CLEC10A: variants seen among roughly 807,000 people sequenced by gnomAD.
CLEC10A encodes C-type lectin domain family 10 member A.
In CLEC10A, 38 loss-of-function variants were observed where a neutral mutation model predicts 42.0. The observed-to-expected ratio is 0.90, with a 90% CI of 0.70 to 1.18. CLEC10A has a LOEUF of 1.18. CLEC10A is among the 50% of genes most tolerant of loss of function. CLEC10A has a pLI of 0.00. For missense variants in CLEC10A, 298 were observed against 345.9 expected (o/e 0.86, Z 1.10); for synonymous variants, 126 against 139.9 (o/e 0.90, Z 0.70).
At position 7,078,863 on chromosome 17, in the gene CLEC10A, C is replaced by G. The variant is rs1597361662; in HGVS notation, c.-51G>C. ...TGTCACAGCTGAAATGGAGGCAGGG[C>G]CGGCGCCCAGTCTGGGGTGGAGCTG... On this transcript the variant is annotated 5_prime_UTR_variant, in exon 2 of 9. Transcript: ENST00000416562. The G allele has an allele frequency of 6.3e-7, 1 of 1,585,306 alleles. No individual in the cohort carries two copies. The highest frequency in any genetic ancestry group is 8.7e-7 in the Non-Finnish European group (1 of 1,153,742).
rs1267832133 is a variant in CLEC10A, at chr17:7,078,020, A to T, written c.161T>A (p.Ile54Asn). The change falls in exon 3 of 9, where the codon ATC becomes AAC. Residue 54 changes from isoleucine to asparagine, a missense_variant. Around this residue, in one of 3 missense-constraint regions of CLEC10A, gnomAD observed 267 missense variants for 289.5 expected, o/e 0.92. Coordinates refer to ENST00000416562, the MANE Select transcript of CLEC10A (RefSeq NM_001330070.2). ...ACTTTGGAATCCAACCACACAGATGATGACCAGCAGCAGGAGGCCGAGGCC... is the reference window on the plus strand; with the variant it reads ...ACTTTGGAATCCAACCACACAGATGTTGACCAGCAGCAGGAGGCCGAGGCC... ...SLGLGLLLLVIICVVGFQNSK... is the reference protein window; with the variant it reads ...SLGLGLLLLVNICVVGFQNSK... The T allele has an allele frequency of 6.2e-7, 1 of 1,613,566 alleles. No homozygotes were observed. The highest frequency in any genetic ancestry group is 1.7e-5 in the Admixed American group (1 of 60,014).
intron 3 of CLEC10A, 62 bp downstream of exon 3, chr17:7,077,935 C>T: frequency 1.6e-6 from 2 of 1,285,424 alleles, no homozygotes; most frequent in Non-Finnish European, 2.3e-6. Flanking sequence ...TACTGTAGCA[C>T]CCCATTATTT....
In CLEC10A at chr17:7,075,111, C is replaced by T. The variant is rs770634151; in HGVS notation, c.813G>A (p.Arg271=). The T allele has an allele frequency of 6.2e-7, 1 of 1,607,566 alleles. No homozygotes were observed. Among genetic ancestry groups the T allele is most frequent in the South Asian group, 1.1e-5 (1 of 90,216 alleles). The change falls in exon 9 of 9, where the codon AGG becomes AGA. Residue 271 remains arginine, a synonymous_variant. Transcript: ENST00000416562. ...CAGCCTCGCAGACCCAGTGGTAGGG[C>T]CTCTGGCAGACGTCGTCATTCCACC... is the stretch of plus-strand genomic sequence containing the variant. ...DGRWNDDVCQ[R]PYHWVCEAGL... is the part of the protein sequence containing the mutation.
intron 3 of CLEC10A, 43 bp downstream of exon 3, chr17:7,077,953 AC>A: frequency 2.1e-6 from 3 of 1,431,768 alleles, no homozygotes; most frequent in South Asian, 2.3e-5. Context: ...TTTATCTTCT[AC>A]CCCATTATTT....
chr17:7,075,734 C>A lies in CLEC10A; in HGVS notation c.591G>T (p.Glu197Asp), dbSNP rs756764711. ...AHLVVINSREEQNFVQKYLGS... is the reference protein window; with the variant it reads ...AHLVVINSREDQNFVQKYLGS... ...ACTGAGTACCAGAAGCCCTCACCTG[C>A]TCCTCCCTGGAGTTGATGACCACCA... The change falls in exon 7 of 9, where the codon GAG becomes GAT. Residue 197 changes from glutamate (E) to aspartate (D), a missense_variant. Physicochemically the swap from Glu to Asp is conservative, Grantham distance 45 (BLOSUM62 2). Transcript: ENST00000416562. 6.2e-7 allele frequency: 1 copy of A among 1,614,234 alleles called. No individual in the cohort carries two copies. The highest frequency in any genetic ancestry group is 1.1e-5 in the South Asian group (1 of 91,086).
chr17:7,079,425 A>T (rs1208414536), intron 1 of CLEC10A, among the ~76,000 whole-genome samples: 1 of 152,072 alleles, frequency 6.6e-6, no homozygotes, highest in African/African-American at 2.4e-5. Flanking sequence ...TCTACTAAAA[A>T]TACAAAAATT....
chr17:7,077,917 C>G (rs1310951584), intron 3 of CLEC10A, 80 bp downstream of exon 3: 115 of 1,098,628 alleles, frequency 1.0e-4, no homozygotes, highest in South Asian at 9.3e-4. Flanking sequence ...ATCGCCCCAC[C>G]ACTGCCCTAC....
intron 3 of CLEC10A, among the ~76,000 whole-genome samples, chr17:7,077,224 G>A (rs887825648): frequency 9.8e-5 from 14 of 143,272 alleles, no homozygotes; most frequent in African/African-American, 3.2e-4. Context: ...CTATGGGTCC[G>A]TCAACTCTCT....
Position 7,075,049 on chromosome 17 carries a change from G to A in CLEC10A, c.*5C>T, listed in dbSNP as rs962554995. On this transcript the variant is annotated 3_prime_UTR_variant, in exon 9 of 9. Coordinates refer to ENST00000416562, the MANE Select transcript of CLEC10A (RefSeq NM_001330070.2). ...CTGTGGCCGGGTGGTCCCACCAAAGGCAGCTCAGTGACTCTCCTGGCTGGT... is the reference window on the plus strand; with the variant it reads ...CTGTGGCCGGGTGGTCCCACCAAAGACAGCTCAGTGACTCTCCTGGCTGGT... 7.7e-6 allele frequency: 12 copies of A among 1,551,126 alleles called. No homozygotes were observed. Among genetic ancestry groups the A allele is most frequent in the Non-Finnish European group, 1.0e-5 (12 of 1,155,598 alleles).
chr17:7,078,501 C>T, intron 2 of CLEC10A: 1 of 553,034 alleles, frequency 1.8e-6, no homozygotes, highest in South Asian at 2.4e-5. Flanking sequence ...TCTTTCCCTC[C>T]ACCAATGCGC....
intron 6 of CLEC10A, 26 bp downstream of exon 6, chr17:7,075,959 C>T (rs1403155519): frequency 1.9e-6 from 3 of 1,613,524 alleles, no homozygotes; most frequent in Non-Finnish European, 2.5e-6. Context: ...AAAAGTAGGG[C>T]CAGGTACTCC....
At position 7,080,092 on chromosome 17, in the gene CLEC10A, G is replaced by C. The variant is rs1219728065; in HGVS notation, c.-114C>G. The C allele has an allele frequency of 6.6e-6, 1 of 152,368 alleles. No individual in the cohort carries two copies. Among genetic ancestry groups the C allele is most frequent in the East Asian group, 1.9e-4 (1 of 5,194 alleles). The allele number at this position is 152,368 out of a possible 1,614,324, so 9.4% of individuals were successfully genotyped here. On this transcript the variant is annotated 5_prime_UTR_variant, in exon 1 of 9. Coordinates refer to ENST00000416562, the MANE Select transcript of CLEC10A (RefSeq NM_001330070.2). ...AGGGTGTGATTCCCACGTTGGTTGT[G>C]CTGCAAGGACCAGAGGTGGGACGTC...
chr17:7,075,604 C>T (rs1229413672), intron 7 of CLEC10A, 127 bp downstream of exon 7: 1 of 1,480,856 alleles, frequency 6.8e-7, no homozygotes, highest in African/African-American at 1.4e-5. Context: ...CCTATTAAAT[C>T]TCTGAGGGTG....
intron 3 of CLEC10A, 111 bp downstream of exon 3, chr17:7,077,886 G>C: frequency 2.5e-6 from 2 of 802,626 alleles, no homozygotes; most frequent in Non-Finnish European, 4.3e-6. Context: ...GCCCTGCATT[G>C]CTCCTACTGT....
intron 5 of CLEC10A, chr17:7,076,300 T>C (rs930852230): frequency 3.2e-5 from 22 of 690,892 alleles, no homozygotes; most frequent in Admixed American, 2.2e-4. Flanking sequence ...CCTTTCTTTC[T>C]TTCTTTCTTT....
chr17:7,078,662 G>A (rs1004689965), intron 2 of CLEC10A, 84 bp downstream of exon 2: 48 of 1,314,430 alleles, frequency 3.7e-5, no homozygotes, highest in Admixed American at 2.7e-4. Flanking sequence ...ACCAGTGCGC[G>A]TGGTGGAGGT....
intron 3 of CLEC10A, 93 bp from the exon 4 acceptor site, chr17:7,077,080 G>T: frequency 1.2e-6 from 1 of 869,342 alleles, no homozygotes; most frequent in Non-Finnish European, 1.9e-6. Flanking sequence ...GCCTTATTGG[G>T]TCCTCACGGC....
In CLEC10A at chr17:7,076,885, G is replaced by T. The variant is rs778891178; in HGVS notation, c.280+7C>A. 12 of 1,613,770 alleles carry T rather than the reference G, an allele frequency of 7.4e-6. No homozygotes were observed. The African/African-American group carries it at 1.6e-4, about 22-fold the overall frequency. ...CCAGCCCAGAGCCCCATCCAAACCA[G>T]ACTCACCCTGGGAAGTCAGTGCCTG... On this transcript the variant is annotated splice_region_variant and intron_variant, in intron 4 of 8. Transcript: ENST00000416562.
At chr17:7,075,265 G>A in intron 8 of CLEC10A, 43 bp from the exon 9 acceptor site, 4 of 1,509,784 alleles carry the variant, frequency 2.6e-6, no homozygotes, top group Non-Finnish European at 3.5e-6. Context: ...GGTAGATGGA[G>A]TAGAATTCAG....
Sources: gnomAD v4.1 joint callset for allele counts (sites outside exome capture counted in the v4.1 genomes callset) on GRCh38, gnomAD v4.1.1 for gene constraint, gnomAD v4.1.1 regional missense constraint, MANE v1.5 for transcripts, NCBI Gene and HGNC (gene_info 2026-07-23, HGNC 2026-07-21) for gene names.